METTL15: variants seen among roughly 807,000 people sequenced by gnomAD.
METTL15 encodes 12S rRNA N(4)-cytidine methyltransferase METTL15.
A neutral mutation model predicts 38.3 loss-of-function variants in METTL15; 34 were observed. The observed-to-expected ratio is 0.89, with a 90% CI of 0.68 to 1.18. The LOEUF (loss-of-function observed/expected upper bound fraction) is 1.18, where lower values mean the gene tolerates loss of function less well. Ranked by LOEUF, METTL15 falls within the 50% of genes most tolerant of loss-of-function variation. METTL15 has a pLI of 0.00. For synonymous variants in METTL15, 162 were observed against 170.9 expected (o/e 0.95, Z 0.41); for missense variants, 438 against 498.4 (o/e 0.88, Z 1.15).
In METTL15 at chr11:28,420,729, G is replaced by C. The variant is rs1181308877; in HGVS notation, c.*359-3570G>C. ...GGATAGAGCAAAAGCAGTACTAACA[G>C]TGAAGTTTATAGCTATAAGTGCCTA... On this transcript the variant is annotated intron_variant and NMD_transcript_variant, in intron 5 of 7. Transcript: ENST00000532947. Among the ~76,000 whole-genome samples, 4 of 151,960 alleles carry C rather than the reference G, an allele frequency of 2.6e-5. 1 individual carries two copies. The highest frequency in any genetic ancestry group is 5.9e-5 in the Non-Finnish European group (4 of 67,948).
chr11:28,400,801 C>T (rs1383811671), intron 5 of METTL15, among the ~76,000 whole-genome samples: 1 of 151,892 alleles, frequency 6.6e-6, no homozygotes, highest in African/African-American at 2.4e-5. Flanking sequence ...CTAACCACAA[C>T]AATGTGTTTT....
chr11:28,443,533 T>C (rs916700657), intron 6 of METTL15, among the ~76,000 whole-genome samples: 1 of 152,076 alleles, frequency 6.6e-6, no homozygotes, highest in Non-Finnish European at 1.5e-5. Context: ...TCCAATAGCT[T>C]CCTCACATTC....
At chr11:28,381,872 G>T (rs1410025328) in intron 5 of METTL15, among the ~76,000 whole-genome samples, 3 of 150,298 alleles carry the variant, frequency 2.0e-5, no homozygotes, top group Non-Finnish European at 4.4e-5. Flanking sequence ...CTGTATCTTT[G>T]CTTTGTCCAC....
At chr11:28,338,185 CT>C (rs1419184641), downstream of METTL15, among the ~76,000 whole-genome samples, 2 of 151,800 alleles carry the variant, frequency 1.3e-5, no homozygotes, top group Admixed American at 6.6e-5. Flanking sequence ...CTGCAAACAT[CT>C]TCAAAAGGGC....
chr11:28,293,125 T>A (rs1235158653), intron 5 of METTL15, among the ~76,000 whole-genome samples: 2 of 152,226 alleles, frequency 1.3e-5, no homozygotes, highest in Non-Finnish European at 2.9e-5. Flanking sequence ...CATGAAGTCC[T>A]TACCCATGCC....
intron 6 of METTL15, among the ~76,000 whole-genome samples, chr11:28,453,481 T>A (rs1198636421): frequency 7.2e-5 from 11 of 152,204 alleles, no homozygotes; most frequent in Admixed American, 7.2e-4. Context: ...GATAATGTGT[T>A]AAAAAAATCT....
intron 4 of METTL15, among the ~76,000 whole-genome samples, chr11:28,233,458 G>T (rs1185599024): frequency 1.3e-5 from 2 of 151,522 alleles, no homozygotes; most frequent in Non-Finnish European, 2.9e-5. Context: ...TATAGACTGT[G>T]GCTAATTTTT....
chr11:28,450,312 A>G (rs1471736210), intron 6 of METTL15, among the ~76,000 whole-genome samples: 1 of 152,206 alleles, frequency 6.6e-6, no homozygotes, highest in Non-Finnish European at 1.5e-5. Context: ...AGGACCTACC[A>G]TGTTCCAGGC....
chr11:28,429,520 G>A lies in METTL15; in HGVS notation c.*424+5156G>A, dbSNP rs1164688871. Among the ~76,000 whole-genome samples, 6 of 123,840 alleles carry A rather than the reference G, an allele frequency of 4.8e-5. No homozygotes were observed. In the South Asian group the frequency reaches 9.7e-4, roughly 20 times the overall value. The allele number at this position is 123,840 out of a possible 152,430, so 81.2% of individuals were successfully genotyped here. A position where few individuals can be genotyped will look rare whatever the true frequency, so the allele number is the denominator to read the frequency against. On this transcript the variant is annotated intron_variant and NMD_transcript_variant, in intron 6 of 7. Coordinates refer to the METTL15 transcript ENST00000532947. ...GTGCCTGCGATTGCAGGCACGCGCC[G>A]CCACGCCTGACTGGTTTTGGTGGAG...
chr11:28,466,916 A>T (rs1215699392), intron 6 of METTL15, among the ~76,000 whole-genome samples: 1 of 152,128 alleles, frequency 6.6e-6, no homozygotes, highest in East Asian at 1.9e-4. Context: ...TCAGAAAACT[A>T]CCACAGCACA....
chr11:28,320,846 T>A (rs1849441277), intron 6 of METTL15, among the ~76,000 whole-genome samples: 1 of 152,076 alleles, frequency 6.6e-6, no homozygotes, highest in Admixed American at 6.6e-5. Context: ...TTAAAGACAA[T>A]TTTTTTCATA....
At chr11:28,254,008 T>A (rs1175919093) in intron 4 of METTL15, among the ~76,000 whole-genome samples, 1 of 152,174 alleles carries the variant, frequency 6.6e-6, no homozygotes, top group Non-Finnish European at 1.5e-5. Context: ...AGCAGTGAGA[T>A]TGCTGGATTA....
chr11:28,309,653 T>C (rs1372132579), intron 6 of METTL15, among the ~76,000 whole-genome samples: 3 of 152,170 alleles, frequency 2.0e-5, no homozygotes, highest in African/African-American at 7.2e-5. Context: ...TCAAGACAAA[T>C]AACTTTTTCT....
At chr11:28,448,390 G>A (rs566715357) in intron 6 of METTL15, among the ~76,000 whole-genome samples, 3 of 152,272 alleles carry the variant, frequency 2.0e-5, no homozygotes, top group African/African-American at 7.2e-5. Flanking sequence ...TGTGCCAAGT[G>A]TTATTCTCGG....
intron 6 of METTL15, among the ~76,000 whole-genome samples, chr11:28,313,470 T>A (rs1857375696): frequency 6.6e-6 from 1 of 151,902 alleles, no homozygotes; most frequent in Non-Finnish European, 1.5e-5. Context: ...AAAATTCAAG[T>A]TTATAAAGTA....
At chr11:28,166,109 T>G (rs536518858) in intron 3 of METTL15, among the ~76,000 whole-genome samples, 16 of 152,308 alleles carry the variant, frequency 1.1e-4, no homozygotes, top group Non-Finnish European at 1.8e-4. Flanking sequence ...TGAAGATTGC[T>G]TTGGCTTTTC....
chr11:28,522,118 G>A (rs1281921914), intron 6 of METTL15, among the ~76,000 whole-genome samples: 2 of 152,172 alleles, frequency 1.3e-5, no homozygotes, highest in African/African-American at 4.8e-5. Flanking sequence ...GCCTTAATAT[G>A]AACAGGAGAA....
At chr11:28,392,022 C>T (rs1850514346) in intron 5 of METTL15, among the ~76,000 whole-genome samples, 1 of 152,132 alleles carries the variant, frequency 6.6e-6, no homozygotes, top group East Asian at 1.9e-4. Flanking sequence ...TCAGAGTGAA[C>T]AGGCAACCTA....
intron 3 of METTL15, among the ~76,000 whole-genome samples, chr11:28,126,951 G>C (rs924914344): frequency 3.3e-5 from 5 of 152,048 alleles, no homozygotes; most frequent in Non-Finnish European, 5.9e-5. Flanking sequence ...CAATTAAATA[G>C]GTTAAGAGGA....
Sources: gnomAD v4.1 joint callset for allele counts (sites outside exome capture counted in the v4.1 genomes callset) on GRCh38, gnomAD v4.1.1 for gene constraint, MANE v1.5 for transcripts, NCBI Gene and HGNC (gene_info 2026-07-23, HGNC 2026-07-21) for gene names.